Variants in KCNQ1 observed in about 807,000 individuals in gnomAD.
KCNQ1 encodes the protein potassium voltage-gated channel subfamily Q member 1.
A neutral mutation model predicts 72.4 loss-of-function variants in KCNQ1; 49 were observed. The observed-to-expected ratio is 0.68, with a 90% CI of 0.54 to 0.86. The LOEUF is 0.86. Ranked by LOEUF, KCNQ1 falls within the 40% of genes least tolerant of loss-of-function variation. The pLI is 0.00. For missense variants in KCNQ1, 790 were observed against 945.1 expected (o/e 0.84, Z 2.15); for synonymous variants, 450 against 412.6 (o/e 1.09, Z -1.10).
At chr11:2,500,101 A>C (rs145686275) in intron 1 of KCNQ1, among the ~76,000 whole-genome samples, 32 of 152,358 alleles carry the variant, frequency 2.1e-4, no homozygotes, top group Middle Eastern at 6.8e-3. Context: ...TTAAGAAGGA[A>C]ATTGAAAATT....
chr11:2,821,048 C>A (rs1847723631), intron 15 of KCNQ1, among the ~76,000 whole-genome samples: 1 of 152,250 alleles, frequency 6.6e-6, no homozygotes, highest in Admixed American at 6.5e-5. Context: ...CCTGAACCTC[C>A]CTCTAAGGAC....
chr11:2,550,221 G>T lies in KCNQ1; in HGVS notation c.478-20407G>T, dbSNP rs1394433185. Among the ~76,000 whole-genome samples, 2 of 152,256 alleles carry T rather than the reference G, an allele frequency of 1.3e-5. No individual in the cohort carries two copies. The highest frequency in any genetic ancestry group is 2.9e-5 in the Non-Finnish European group (2 of 68,042). ...CTCTCTTTGCCGTTGCCGGGACTGG[G>T]CCGTGTGCCTGGAGTTTGAACTTTT... On this transcript the variant is annotated intron_variant, in intron 2 of 15. Coordinates refer to ENST00000155840, the MANE Select transcript of KCNQ1 (RefSeq NM_000218.3). This position sits in a 1 kb window ranked among gnomAD's most constrained non-coding sequence, Gnocchi z 6.0.
In KCNQ1 at chr11:2,847,793, A is replaced by G. The variant is rs1422971314; in HGVS notation, c.1821A>G (p.Ala607=). 13 of 1,572,254 alleles carry G rather than the reference A, an allele frequency of 8.3e-6. No homozygotes were observed. Among genetic ancestry groups the G allele is most frequent in the Non-Finnish European group, 1.1e-5 (13 of 1,158,476 alleles). Residue 607 remains alanine (A), a synonymous_variant, in exon 16 of 16, where the codon GCA becomes GCG. Coordinates refer to ENST00000155840, the MANE Select transcript of KCNQ1 (RefSeq NM_000218.3). The part of the protein sequence containing the change: ...DKVTQLDQRL[A]LITDMLHQLL... ...TGACGCAGCTGGACCAGAGGCTGGC[A>G]CTCATCACCGACATGCTTCACCAGC...
rs79214340 is a variant in KCNQ1 at position 2,831,100 on chromosome 11, G to T, written c.1795-16667G>T. ...TTTTCTGGCCTCTGGCATGCAGAGGGCAGCCCTGCCTGCTTCCCAGTATGG... is the reference window on the plus strand; with the variant it reads ...TTTTCTGGCCTCTGGCATGCAGAGGTCAGCCCTGCCTGCTTCCCAGTATGG... On this transcript the variant is annotated intron_variant, in intron 15 of 15. Transcript: ENST00000155840. Among the ~76,000 whole-genome samples, 3 of 152,236 alleles carry T rather than the reference G, an allele frequency of 2.0e-5. No homozygotes were observed. In the East Asian group the frequency reaches 5.8e-4, roughly 29 times the overall value.
intron 10 of KCNQ1, chr11:2,637,132 C>T (rs763977497): frequency 6.6e-6 from 1 of 152,094 alleles, no homozygotes; most frequent in Non-Finnish European, 1.5e-5. Context: ...AAAAAAACCA[C>T]CTCCTGGATT....
At chr11:2,799,684 C>A (rs1328541838) in intron 15 of KCNQ1, among the ~76,000 whole-genome samples, 1 of 152,106 alleles carries the variant, frequency 6.6e-6, no homozygotes. Context: ...AGGTAGTCAC[C>A]GTTCTCCATC....
At chr11:2,580,260 G>A (rs56320672) in intron 6 of KCNQ1, among the ~76,000 whole-genome samples, 8,874 of 151,818 alleles carry the variant, frequency 0.058, 830 homozygotes, top group African/African-American at 0.2. Flanking sequence ...GGCTGCCTCG[G>A]GAGGCAGCCG....
rs527420901 is a variant in KCNQ1, at chr11:2,450,930, G to A, written c.386+5446G>A. Reference sequence around the variant, plus strand: ...CTGGCTGGGGAGGGGCTTCTCTCTGGGGAGCAGGCCCTGGCTGGAGGTGGG... The same window carrying A: ...CTGGCTGGGGAGGGGCTTCTCTCTGAGGAGCAGGCCCTGGCTGGAGGTGGG... On this transcript the variant is annotated intron_variant, in intron 1 of 15. Coordinates refer to ENST00000155840, the MANE Select transcript of KCNQ1 (RefSeq NM_000218.3). This position sits in a 1 kb window ranked among gnomAD's most constrained non-coding sequence, Gnocchi z 7.9. Among the ~76,000 whole-genome samples the A allele has an allele frequency of 1.3e-4, 20 of 152,236 alleles. 1 individual carries two copies. In the South Asian group the frequency reaches 4.1e-3, roughly 32 times the overall value.
At position 2,657,009 on chromosome 11, in the gene KCNQ1, C is replaced by T; in HGVS notation, c.1394-4952C>T. 2.5e-6 allele frequency: 1 copy of T among 398,604 alleles called. No homozygotes were observed. Among genetic ancestry groups the T allele is most frequent in the Non-Finnish European group, 4.4e-6 (1 of 226,060 alleles). The allele number at this position is 398,604 out of a possible 1,614,324, so 24.7% of individuals were successfully genotyped here. A position where few individuals can be genotyped will look rare whatever the true frequency, so the allele number is the denominator to read the frequency against. ...GCTCTTCCCAGGATGTGCAGGCCAC[C>T]TCTGATACACAGCAAGCTTCCATAT... On this transcript the variant is annotated intron_variant, in intron 10 of 15. Transcript: ENST00000155840. The surrounding 1 kb of genome is among the most constrained non-coding windows in gnomAD (Gnocchi z 4.8).
At chr11:2,591,420 G>A (rs1014036190) in intron 10 of KCNQ1, among the ~76,000 whole-genome samples, 3 of 152,250 alleles carry the variant, frequency 2.0e-5, no homozygotes, top group Non-Finnish European at 2.9e-5. Flanking sequence ...CCCCCGGGAC[G>A]TGCTCCCGCC....
chr11:2,643,936 C>G (rs958527496), intron 10 of KCNQ1: 1 of 398,444 alleles, frequency 2.5e-6, no homozygotes, highest in Admixed American at 4.4e-5. Context: ...ATCCCATCCT[C>G]CTGGCCTGTA....
chr11:2,546,670 A>G (rs1847906450), intron 2 of KCNQ1, among the ~76,000 whole-genome samples: 1 of 151,898 alleles, frequency 6.6e-6, no homozygotes, highest in South Asian at 2.1e-4. Context: ...AATTATTTAC[A>G]TTCTTTATTT....
At chr11:2,820,966 C>T (rs995421544) in intron 15 of KCNQ1, among the ~76,000 whole-genome samples, 2 of 152,238 alleles carry the variant, frequency 1.3e-5, no homozygotes, top group East Asian at 3.9e-4. Context: ...TGCTGGGCCT[C>T]GGCCATCTCT....
rs571605856 is a variant in KCNQ1, at chr11:2,724,590, G to A, written c.1515-44254G>A. 4.6e-5 allele frequency among the ~76,000 whole-genome samples: 7 copies of A among 152,312 alleles called. No individual in the cohort carries two copies. Among genetic ancestry groups the A allele is most frequent in the South Asian group, 2.1e-4 (1 of 4,830 alleles). ...AGGACCCCACTAGGAACCCCTTCCC[G>A]CGGAAACACAGCTTCTCCCCTTGGG... On this transcript the variant is annotated intron_variant, in intron 11 of 15. Coordinates refer to ENST00000155840, the MANE Select transcript of KCNQ1 (RefSeq NM_000218.3). This position sits in a 1 kb window ranked among gnomAD's most constrained non-coding sequence, Gnocchi z 6.8.
intron 11 of KCNQ1, among the ~76,000 whole-genome samples, chr11:2,706,360 G>C (rs1850910794): frequency 6.6e-6 from 1 of 152,224 alleles, no homozygotes; most frequent in Non-Finnish European, 1.5e-5. Flanking sequence ...AGGAACTGAG[G>C]CCTCCTATAA....
Position 2,767,223 on chromosome 11 carries a change from T to C in KCNQ1, c.1515-1621T>C, listed in dbSNP as rs1410142606. 6.6e-6 allele frequency among the ~76,000 whole-genome samples: 1 copy of C among 152,074 alleles called. No homozygotes were observed. Among genetic ancestry groups the C allele is most frequent in the Non-Finnish European group, 1.5e-5 (1 of 67,990 alleles). On this transcript the variant is annotated intron_variant, in intron 11 of 15. Coordinates refer to ENST00000155840, the MANE Select transcript of KCNQ1 (RefSeq NM_000218.3). The surrounding 1 kb of genome is among the most constrained non-coding windows in gnomAD (Gnocchi z 4.6). ...CTTTGCTTAGCTAGGAGGTTGGACT[T>C]GGTTCAGCTAGGAGGTTGTTCTGTT...
Position 2,704,822 on chromosome 11 carries a change from G to A in KCNQ1, c.1514+42741G>A, listed in dbSNP as rs1337264231. ...TAGCCCTCAGCATCCAACAGGGGTA[G>A]CAGCCTAGTGCATGTATGACCACGA... is the stretch of plus-strand genomic sequence containing the variant. On this transcript the variant is annotated intron_variant, in intron 11 of 15. Coordinates refer to ENST00000155840, the MANE Select transcript of KCNQ1 (RefSeq NM_000218.3). The surrounding 1 kb of genome is among the most constrained non-coding windows in gnomAD (Gnocchi z 4.3). 2.0e-5 allele frequency among the ~76,000 whole-genome samples: 3 copies of A among 152,156 alleles called. No homozygotes were observed. The highest frequency in any genetic ancestry group is 7.2e-5 in the African/African-American group (3 of 41,440).
At chr11:2,701,983 G>T (rs1248330145) in intron 11 of KCNQ1, among the ~76,000 whole-genome samples, 3 of 152,230 alleles carry the variant, frequency 2.0e-5, no homozygotes, top group Non-Finnish European at 4.4e-5. Context: ...TGAGTTGAGG[G>T]TGGCCTCAGG....
intron 2 of KCNQ1, among the ~76,000 whole-genome samples, chr11:2,555,188 C>T (rs986799769): frequency 5.3e-5 from 8 of 152,230 alleles, no homozygotes; most frequent in Non-Finnish European, 8.8e-5. Context: ...GGGTGCTCAG[C>T]CCCTGGTCTC....
Sources: gnomAD v4.1 joint callset for allele counts (sites outside exome capture counted in the v4.1 genomes callset) on GRCh38, gnomAD v4.1.1 for gene constraint, Gnocchi (gnomAD v3.1) non-coding constraint, MANE v1.5 for transcripts, NCBI Gene and HGNC (gene_info 2026-07-23, HGNC 2026-07-21) for gene names.